SYN2: variants seen among roughly 807,000 people sequenced by gnomAD.
SYN2 encodes synapsin II.
A neutral mutation model predicts 50.9 loss-of-function variants in SYN2; 19 were observed. That is an observed-to-expected ratio of 0.37 (90% confidence interval 0.26 to 0.55). SYN2 has a LOEUF of 0.55. Ranked by LOEUF, SYN2 falls within the 20% of genes least tolerant of loss-of-function variation. SYN2 has a pLI of 0.81. For missense variants in SYN2, 587 were observed against 576.4 expected (o/e 1.02, Z -0.19); for synonymous variants, 255 against 224.9 (o/e 1.13, Z -1.20).
chr3:12,153,583 C>T (rs142733986), intron 5 of SYN2: 14 of 1,614,116 alleles, frequency 8.7e-6, no homozygotes, highest in East Asian at 2.2e-5. Context: ...CTGCAGGTGC[C>T]GTCAACATGC....
intron 1 of SYN2, among the ~76,000 whole-genome samples, chr3:12,087,636 C>T (rs1014763246): frequency 9.9e-5 from 15 of 152,016 alleles, no homozygotes; most frequent in Admixed American, 2.6e-4. Flanking sequence ...CCTGTAGCCC[C>T]GGCTGCTTGG....
At chr3:12,119,713 C>G (rs1696510286) in intron 1 of SYN2, among the ~76,000 whole-genome samples, 1 of 152,158 alleles carries the variant, frequency 6.6e-6, no homozygotes, top group Non-Finnish European at 1.5e-5. Flanking sequence ...TTACCTATGT[C>G]AGGAAAGCTT....
At chr3:12,105,100 G>A (rs1236828207) in intron 1 of SYN2, among the ~76,000 whole-genome samples, 1 of 152,128 alleles carries the variant, frequency 6.6e-6, no homozygotes, top group African/African-American at 2.4e-5. Flanking sequence ...GGAACTGCCT[G>A]TGTCTTTGAC....
intron 1 of SYN2, among the ~76,000 whole-genome samples, chr3:12,047,547 T>G (rs1317649550): frequency 2.6e-5 from 4 of 152,168 alleles, no homozygotes; most frequent in African/African-American, 7.2e-5. Context: ...CTGGCATTCT[T>G]CAGCAGCTTG....
intron 1 of SYN2, among the ~76,000 whole-genome samples, chr3:12,025,922 C>CT (rs1280410863): frequency 1.3e-5 from 2 of 152,240 alleles, no homozygotes; most frequent in African/African-American, 4.8e-5. Flanking sequence ...ATTTTAAAGA[C>CT]TAGCCAAGCC....
intron 1 of SYN2, among the ~76,000 whole-genome samples, chr3:12,010,979 A>G (rs756540477): frequency 6.6e-6 from 1 of 152,232 alleles, no homozygotes; most frequent in Non-Finnish European, 1.5e-5. Context: ...CTAAAACAAA[A>G]GATGACAATG....
intron 7 of SYN2, chr3:12,165,557 C>A (rs1192119262): frequency 6.6e-6 from 1 of 151,806 alleles, no homozygotes; most frequent in Non-Finnish European, 1.5e-5. Context: ...AAAGTTAACA[C>A]CTACAGACAG....
intron 12 of SYN2, among the ~76,000 whole-genome samples, chr3:12,189,891 A>G (rs1463519896): frequency 6.6e-6 from 1 of 152,202 alleles, no homozygotes; most frequent in Non-Finnish European, 1.5e-5. Context: ...GGAATCAGAG[A>G]AGAGATCAGA....
intron 1 of SYN2, among the ~76,000 whole-genome samples, chr3:12,101,006 T>C (rs1419911208): frequency 6.6e-6 from 1 of 152,076 alleles, no homozygotes; most frequent in African/African-American, 2.4e-5. Context: ...AGTGAAGAAA[T>C]GGGAATCCTC....
intron 1 of SYN2, among the ~76,000 whole-genome samples, chr3:12,127,172 T>C (rs886714624): frequency 6.6e-6 from 1 of 152,292 alleles, no homozygotes; most frequent in East Asian, 1.9e-4. Flanking sequence ...CCAGCTTGAG[T>C]TGGTTTTTAA....
intron 1 of SYN2, among the ~76,000 whole-genome samples, chr3:12,077,611 G>T (rs1484268887): frequency 1.3e-5 from 2 of 152,068 alleles, no homozygotes; most frequent in East Asian, 3.9e-4. Flanking sequence ...GAGGATAATG[G>T]CTTCCAGCTC....
intron 5 of SYN2, chr3:12,157,329 A>G: frequency 6.5e-7 from 1 of 1,546,650 alleles, no homozygotes; most frequent in South Asian, 1.1e-5. Flanking sequence ...CAGAACACAG[A>G]CTCCACTTTC....
intron 1 of SYN2, among the ~76,000 whole-genome samples, chr3:12,068,667 CTGTTTTTCATTTCTG>C (rs1223244164): frequency 1.3e-4 from 19 of 151,730 alleles, no homozygotes; most frequent in Admixed American, 1.2e-3. Flanking sequence ...TTTTTCTCTT[CTGTTTTTCATTTCTG>C]AGTTTTTTTT....
At position 12,190,722 on chromosome 3, in the gene SYN2, T is replaced by G; in HGVS notation, c.*97T>G. ...AGCTTGGTGGTTATGTCCCATGACCTTGACGTGTGTGGTCCCTTCCTCTGC... is the reference window on the plus strand; with the variant it reads ...AGCTTGGTGGTTATGTCCCATGACCGTGACGTGTGTGGTCCCTTCCTCTGC... On this transcript the variant is annotated 3_prime_UTR_variant, in exon 13 of 13. Transcript: ENST00000621198. 6.6e-7 allele frequency: 1 copy of G among 1,522,124 alleles called. No individual in the cohort carries two copies. The highest frequency in any genetic ancestry group is 1.3e-5 in the South Asian group (1 of 75,548). 94.3% of individuals were successfully genotyped at this position (1,522,124 alleles called of 1,614,324 possible).
chr3:12,142,035 T>G (rs773957171), intron 3 of SYN2, 39 bp downstream of exon 3: 11 of 779,330 alleles, frequency 1.4e-5, no homozygotes, highest in Non-Finnish European at 2.4e-6. Flanking sequence ...TGTGACTGTC[T>G]CCAGAGTTAC....
chr3:12,017,261 T>G (rs1694045180), intron 1 of SYN2, among the ~76,000 whole-genome samples: 1 of 152,148 alleles, frequency 6.6e-6, no homozygotes, highest in Non-Finnish European at 1.5e-5. Context: ...TAATACATAA[T>G]GTATTGGGCA....
rs199824620 is a variant in SYN2 at position 12,044,209 on chromosome 3, A to C, written c.377+39281A>C. On this transcript the variant is annotated intron_variant, in intron 1 of 12. Coordinates refer to ENST00000621198, the MANE Select transcript of SYN2 (RefSeq NM_133625.6). ...CACACACACACACACACACACACAC[A>C]CACACACACACACAGGTGTGAGGAG... Among the ~76,000 whole-genome samples, 22 of 134,120 alleles carry C rather than the reference A, an allele frequency of 1.6e-4. No individual in the cohort carries two copies. The East Asian group carries it at 2.9e-3, about 18-fold the overall frequency. 88.0% of individuals were successfully genotyped at this position (134,120 alleles called of 152,430 possible).
rs550119890 is a variant in SYN2 at position 12,147,217 on chromosome 3, A to ATGTG, written c.684+1390_684+1393dup. On this transcript the variant is annotated intron_variant, in intron 4 of 12. Coordinates refer to ENST00000621198, the MANE Select transcript of SYN2 (RefSeq NM_133625.6). ...TGTGTGTGTGTGTATGTGTGTGTGT[A>ATGTG]TGTGTGTGTGTTAACCAAACAGATC... is the stretch of plus-strand genomic sequence containing the variant. 2.0e-4 allele frequency among the ~76,000 whole-genome samples: 30 copies of ATGTG among 147,634 alleles called. No homozygotes were observed. In the South Asian group the frequency reaches 6.5e-3, roughly 32 times the overall value.
chr3:12,050,741 T>TTTTTTG (rs1694842145), intron 1 of SYN2, among the ~76,000 whole-genome samples: 1 of 110,408 alleles, frequency 9.1e-6, no homozygotes, highest in Non-Finnish European at 1.8e-5. Context: ...TTTTTTTTTT[T>TTTTTTG]TTTTTGAGAC....
Sources: allele counts gnomAD v4.1 joint callset (sites outside exome capture counted in the v4.1 genomes callset), GRCh38; gene constraint gnomAD v4.1.1; transcripts MANE v1.5; gene names NCBI Gene and HGNC (gene_info 2026-07-23, HGNC 2026-07-21).